LTV1: variants seen among roughly 807,000 people sequenced by gnomAD.
LTV1 encodes LTV1 ribosome biogenesis factor, also known as protein LTV1 homolog.
A neutral mutation model predicts 59.9 loss-of-function variants in LTV1; 39 were observed. The ratio of observed to expected loss-of-function variants is 0.65; its 90% CI spans 0.50 to 0.85. The LOEUF (loss-of-function observed/expected upper bound fraction) is 0.85, where lower values mean the gene tolerates loss of function less well. Among genes scored for constraint, LTV1 ranks in the 40% least tolerant of loss-of-function variants. LTV1 has a pLI of 0.00. For synonymous variants in LTV1, 171 were observed against 189.5 expected (o/e 0.90, Z 0.80); for missense variants, 493 against 549.1 (o/e 0.90, Z 1.02).
intron 7 of LTV1, among the ~76,000 whole-genome samples, chr6:143,861,132 T>A: frequency 6.6e-6 from 1 of 152,060 alleles, no homozygotes; most frequent in East Asian, 1.9e-4. Flanking sequence ...CTTGACCTCA[T>A]GTAATATGCC....
At chr6:143,846,834 G>A (rs1189521769) in intron 3 of LTV1, among the ~76,000 whole-genome samples, 4 of 152,146 alleles carry the variant, frequency 2.6e-5, no homozygotes, top group African/African-American at 4.8e-5. Context: ...TTTTTAATTT[G>A]ATGTAGAGTA....
rs149634917 is a variant in LTV1 at position 143,856,158 on chromosome 6, G to A, written c.398-1145G>A. Among the ~76,000 whole-genome samples, 1,409 of 152,022 alleles carry A rather than the reference G, an allele frequency of 9.3e-3. 17 individuals are homozygous for A. Among genetic ancestry groups the A allele is most frequent in the African/African-American group, 0.032 (1,331 of 41,442 alleles). On this transcript the variant is annotated intron_variant, in intron 4 of 10. Coordinates refer to ENST00000367576, the MANE Select transcript of LTV1 (RefSeq NM_032860.5). The stretch of plus-strand genomic sequence containing the variant: ...TTTTCATTCTTTTTTCTCTAATCTT[G>A]TCTTCACGCTTTATTTCATTAAGTT...
At position 143,850,368 on chromosome 6, in the gene LTV1, T is replaced by A. The variant is rs1582936462; in HGVS notation, c.397+150T>A. On this transcript the variant is annotated intron_variant, in intron 4 of 10. Coordinates refer to ENST00000367576, the MANE Select transcript of LTV1 (RefSeq NM_032860.5). ...TCAGGGATTATTAGGAAGGGATGAA[T>A]GTGATCTTTGTATTTTTGTATTCCT... The A allele has an allele frequency of 5.0e-6, 3 of 600,044 alleles. No individual in the cohort carries two copies. The East Asian group carries it at 8.6e-5, about 17-fold the overall frequency. The allele number at this position is 600,044 out of a possible 1,614,324, so 37.2% of individuals were successfully genotyped here. A position where few individuals can be genotyped will look rare whatever the true frequency, so the allele number is the denominator to read the frequency against.
intron 4 of LTV1, among the ~76,000 whole-genome samples, chr6:143,853,020 T>G (rs1459954559): frequency 6.6e-6 from 1 of 152,212 alleles, no homozygotes; most frequent in East Asian, 1.9e-4. Context: ...CCAGCTTTGT[T>G]CTTTCTGCTT....
At position 143,862,314 on chromosome 6, in the gene LTV1, C is replaced by T; in HGVS notation, c.1063+71C>T. ...TATCAACTTTAGGCTGGGTGCGGTG[C>T]CTCACGCCTGTAGTAATCCCAGCAC... On this transcript the variant is annotated intron_variant, in intron 8 of 10. Coordinates refer to ENST00000367576, the MANE Select transcript of LTV1 (RefSeq NM_032860.5). This position sits in a 1 kb window ranked among gnomAD's most constrained non-coding sequence, Gnocchi z 4.2. 1 of 1,392,686 alleles carries T rather than the reference C, an allele frequency of 7.2e-7. No individual in the cohort carries two copies. The highest frequency in any genetic ancestry group is 9.9e-7 in the Non-Finnish European group (1 of 1,007,798). 86.3% of individuals were successfully genotyped at this position (1,392,686 alleles called of 1,614,324 possible). A position where few individuals can be genotyped will look rare whatever the true frequency, so the allele number is the denominator to read the frequency against.
intron 6 of LTV1, 68 bp from the exon 7 acceptor site, chr6:143,860,358 T>A (rs574608063): frequency 4.9e-6 from 7 of 1,442,858 alleles, no homozygotes; most frequent in Admixed American, 4.3e-5. Context: ...TGTAAAAAAA[T>A]TTTTAAGTGT....
intron 3 of LTV1, among the ~76,000 whole-genome samples, chr6:143,848,630 C>T (rs957565906): frequency 3.9e-5 from 6 of 152,204 alleles, no homozygotes; most frequent in Non-Finnish European, 8.8e-5. Flanking sequence ...GTTGTCCTCA[C>T]GTTATGAACT....
chr6:143,859,153 C>T (rs1777123990), intron 6 of LTV1, among the ~76,000 whole-genome samples: 1 of 152,176 alleles, frequency 6.6e-6, no homozygotes, highest in Non-Finnish European at 1.5e-5. Context: ...TGTTTTCAGA[C>T]ATAACTAACA....
At chr6:143,843,809 G>C (rs1233852522) in intron 1 of LTV1, among the ~76,000 whole-genome samples, 1 of 152,190 alleles carries the variant, frequency 6.6e-6, no homozygotes, top group South Asian at 2.1e-4. Context: ...TCTTGGGGTC[G>C]AGCAGAGGGA....
intron 6 of LTV1, chr6:143,858,291 G>C: frequency 3.2e-6 from 1 of 312,292 alleles, no homozygotes. Flanking sequence ...GCTTACACCA[G>C]GAGGTGGCTC....
chr6:143,857,226 GGT>G lies in LTV1; in HGVS notation c.398-76_398-75del. On this transcript the variant is annotated intron_variant, in intron 4 of 10. Transcript: ENST00000367576. The surrounding 1 kb of genome is among the most constrained non-coding windows in gnomAD (Gnocchi z 5.2). ...ATATTAATAGACTCTTGCTATCATA[GGT>G]CCTTATATTGTGAGTTAAGTGAATG... 6.5e-7 allele frequency: 1 copy of G among 1,541,590 alleles called. No individual in the cohort carries two copies. Among genetic ancestry groups the G allele is most frequent in the Non-Finnish European group, 8.9e-7 (1 of 1,125,824 alleles).
In LTV1 at chr6:143,863,488, G is replaced by C. The variant is rs777706287; in HGVS notation, c.1389G>C (p.Leu463=). The C allele has an allele frequency of 1.8e-5, 29 of 1,613,672 alleles. No homozygotes were observed. The highest frequency in any genetic ancestry group is 1.7e-4 in the Middle Eastern group (1 of 5,986). The change falls in exon 11 of 11, where the codon CTG becomes CTC. Residue 463 remains leucine (L), a synonymous_variant. Transcript: ENST00000367576. The surrounding 1 kb of genome is among the most constrained non-coding windows in gnomAD (Gnocchi z 4.5). ...KLEKRRQEKE[L]LNLKKNVEGL... ...AGAAAAGAAGGCAAGAAAAAGAGCT[G>C]CTGAACTTGAAGAAGAATGTTGAGG...
At chr6:143,844,463 G>A (rs901302352) in intron 1 of LTV1, 23 bp from the exon 2 acceptor site, 2 of 1,611,094 alleles carry the variant, frequency 1.2e-6, no homozygotes, top group African/African-American at 2.7e-5. Flanking sequence ...TTAATTAATT[G>A]TTGTGATTTT....
At chr6:143,847,443 C>T (rs1420024964) in intron 3 of LTV1, among the ~76,000 whole-genome samples, 1 of 152,216 alleles carries the variant, frequency 6.6e-6, no homozygotes, top group African/African-American at 2.4e-5. Context: ...CTCACCGCAA[C>T]CTCCGCCTCC....
At chr6:143,861,473 A>T (rs553132156) in intron 7 of LTV1, among the ~76,000 whole-genome samples, 10 of 151,756 alleles carry the variant, frequency 6.6e-5, no homozygotes, top group Admixed American at 2.0e-4. Flanking sequence ...TTCCCCTTGG[A>T]AAATAAGATC....
At chr6:143,852,891 T>G (rs1013740411) in intron 4 of LTV1, among the ~76,000 whole-genome samples, 1 of 152,204 alleles carries the variant, frequency 6.6e-6, no homozygotes, top group Non-Finnish European at 1.5e-5. Context: ...ATGTGTGGTG[T>G]TATTTCTGAG....
intron 3 of LTV1, 54 bp from the exon 4 acceptor site, chr6:143,850,077 T>C (rs1776957252): frequency 1.4e-6 from 2 of 1,401,786 alleles, no homozygotes; most frequent in African/African-American, 1.4e-5. Flanking sequence ...CCCGGTACAC[T>C]AGTTAAGAAG....
In LTV1 at chr6:143,845,939, A is replaced by G. The variant is rs1423708015; in HGVS notation, c.136-112A>G. ...AATGTTCATGTGCCATCTGCCTCCTACTTGGAAAGCTGTACTCATTGTAAT... is the reference window on the plus strand; with the variant it reads ...AATGTTCATGTGCCATCTGCCTCCTGCTTGGAAAGCTGTACTCATTGTAAT... On this transcript the variant is annotated intron_variant, in intron 2 of 10. Transcript: ENST00000367576. 6.4e-6 allele frequency: 6 copies of G among 937,486 alleles called. No individual in the cohort carries two copies. In the East Asian group the frequency reaches 1.1e-4, roughly 17 times the overall value. 58.1% of individuals were successfully genotyped at this position (937,486 alleles called of 1,614,324 possible). A position where few individuals can be genotyped will look rare whatever the true frequency, so the allele number is the denominator to read the frequency against.
intron 4 of LTV1, among the ~76,000 whole-genome samples, chr6:143,852,383 T>C (rs564840763): frequency 6.6e-6 from 1 of 152,348 alleles, no homozygotes; most frequent in African/African-American, 2.4e-5. Flanking sequence ...TTGAGAAATA[T>C]CTGTTCCTAT....
Sources: gnomAD v4.1 joint callset for allele counts (sites outside exome capture counted in the v4.1 genomes callset) on GRCh38, gnomAD v4.1.1 for gene constraint, Gnocchi (gnomAD v3.1) non-coding constraint, MANE v1.5 for transcripts, NCBI Gene and HGNC (gene_info 2026-07-23, HGNC 2026-07-21) for gene names.